The following USP18 variants were observed in gnomAD, a reference collection of about 807,000 sequenced individuals.
USP18 encodes ubl carboxyl-terminal hydrolase 18.
USP18 carries 11 observed loss-of-function variants against 48.7 expected under a neutral mutation model. The observed-to-expected ratio is 0.23, with a 90% confidence interval of 0.14 to 0.37. The LOEUF (loss-of-function observed/expected upper bound fraction) is 0.37. Ranked by LOEUF, USP18 falls within the 10% of genes least tolerant of loss-of-function variation. USP18 has a pLI of 1.00. For synonymous variants in USP18, 114 were observed against 163.2 expected, an observed-to-expected ratio of 0.70 and a Z score of 2.30; for missense variants, 285 against 436.4, an observed-to-expected ratio of 0.65 and a Z score of 3.09.
At chr22:18,152,174 G>T (rs1053030333) in intron 1 of USP18, among the ~76,000 whole-genome samples, 3 of 152,252 alleles carry the variant, frequency 2.0e-5, no homozygotes, top group African/African-American at 7.2e-5. Flanking sequence ...CACCGAGGCT[G>T]CTTGAATCAT....
chr22:18,155,474 G>C (rs1276749512), intron 1 of USP18, among the ~76,000 whole-genome samples: 1 of 152,230 alleles, frequency 6.6e-6, no homozygotes, highest in Non-Finnish European at 1.5e-5. Flanking sequence ...GCCCCTTCCT[G>C]GGCTGGCCGA....
chr22:18,160,240 A>C lies in USP18; in HGVS notation c.226A>C (p.Asn76His). The C allele has an allele frequency of 6.2e-7, 1 of 1,614,172 alleles. No individual in the cohort carries two copies. Among genetic ancestry groups the C allele is most frequent in the Non-Finnish European group, 8.5e-7 (1 of 1,180,004 alleles). The change falls in exon 3 of 11, where the codon AAT (asparagine) becomes CAT (histidine). Residue 76 changes from asparagine to histidine, a missense_variant. Around this residue, in one of 5 missense-constraint regions of USP18, gnomAD observed 199 missense variants for 239.6 expected, o/e 0.83. Transcript: ENST00000215794. ...LNSLIQVFVM[N>H]VDFTRILKRI... ...CTCCTTGATTCAGGTGTTCGTAATG[A>C]ATGTGGACTTCACCAGGATATTGAA...
chr22:18,160,165 C>T lies in USP18; in HGVS notation c.158-7C>T, dbSNP rs750399498. On this transcript the variant is annotated splice_region_variant and splice_polypyrimidine_tract_variant and intron_variant, in intron 2 of 10. Transcript: ENST00000215794. ...GCCCTCAGCATTTTTTTCTCTTCCC[C>T]TTATAGGCCTGGTTGGTTTACACAA... 1 of 1,613,766 alleles carries T rather than the reference C, an allele frequency of 6.2e-7. No individual in the cohort carries two copies. Among genetic ancestry groups the T allele is most frequent in the African/African-American group, 1.3e-5 (1 of 74,898 alleles).
In USP18 at chr22:18,173,882, A is replaced by G. The variant is rs755863617; in HGVS notation, c.1073+40A>G. On this transcript the variant is annotated intron_variant, in intron 10 of 10. Transcript: ENST00000215794. Reference sequence around the variant, plus strand: ...TGGGTAATTGGAGTCTGATGAGCTCACATAGGGTCCTTGGAGCTGCATGAA... The same window carrying G: ...TGGGTAATTGGAGTCTGATGAGCTCGCATAGGGTCCTTGGAGCTGCATGAA... 3 of 1,528,674 alleles carry G rather than the reference A, an allele frequency of 2.0e-6. No individual in the cohort carries two copies. In the South Asian group the frequency reaches 3.5e-5, roughly 18 times the overall value. The allele number at this position is 1,528,674 out of a possible 1,614,324, so 94.7% of individuals were successfully genotyped here. A position where few individuals can be genotyped will look rare whatever the true frequency, so the allele number is the denominator to read the frequency against.
chr22:18,158,967 C>T, intron 2 of USP18, among the ~76,000 whole-genome samples: 1 of 152,170 alleles, frequency 6.6e-6, no homozygotes, highest in African/African-American at 2.4e-5. Flanking sequence ...ATTGCTCATA[C>T]TACTCATTTG....
chr22:18,154,483 G>A (rs1416592471), intron 1 of USP18, among the ~76,000 whole-genome samples: 1 of 152,054 alleles, frequency 6.6e-6, no homozygotes, highest in Admixed American at 6.6e-5. Flanking sequence ...GGTCTCATTT[G>A]TTGCCCAGGC....
In USP18 at chr22:18,173,320, T is replaced by G; in HGVS notation, c.1023+39T>G. On this transcript the variant is annotated intron_variant, in intron 9 of 10. Coordinates refer to ENST00000215794, the MANE Select transcript of USP18 (RefSeq NM_017414.4). Reference sequence around the variant, plus strand: ...TCCACAATTGCCTCCTGCCCTGGATTGGCCACCTCTAGCAAATGCTGGGCT... The same window carrying G: ...TCCACAATTGCCTCCTGCCCTGGATGGGCCACCTCTAGCAAATGCTGGGCT... 4 of 1,576,490 alleles carry G rather than the reference T, an allele frequency of 2.5e-6. No individual in the cohort carries two copies. In the South Asian group the frequency reaches 4.8e-5, roughly 19 times the overall value.
At chr22:18,153,578 C>T (rs1929054065) in intron 1 of USP18, among the ~76,000 whole-genome samples, 1 of 152,130 alleles carries the variant, frequency 6.6e-6, no homozygotes, top group Non-Finnish European at 1.5e-5. Context: ...GTACATGCCA[C>T]CATGCTAGGC....
intron 3 of USP18, 98 bp from the exon 4 acceptor site, chr22:18,161,692 T>C: frequency 8.0e-7 from 1 of 1,246,554 alleles, no homozygotes; most frequent in Non-Finnish European, 1.1e-6. Context: ...GGGAGTGGCC[T>C]GGATATGAAG....
chr22:18,160,057 G>T (rs560962208), intron 2 of USP18, 115 bp from the exon 3 acceptor site: 5 of 955,344 alleles, frequency 5.2e-6, no homozygotes, highest in Non-Finnish European at 6.8e-6. Context: ...CAGGTGATCC[G>T]CCCACCTCGG....
chr22:18,152,931 C>T lies in USP18; in HGVS notation c.-107+2709C>T, dbSNP rs558481829. On this transcript the variant is annotated intron_variant, in intron 1 of 10. Transcript: ENST00000215794. ...CATCTTGGAAAATGCAGCCTGGAAC[C>T]TCTCTGCTCTCTTTCATCAGCTTTC... Among the ~76,000 whole-genome samples the T allele has an allele frequency of 3.3e-5, 5 of 152,286 alleles. No individual in the cohort carries two copies. In the East Asian group the frequency reaches 9.6e-4, roughly 29 times the overall value.
At chr22:18,172,253 C>T (rs9617684) in intron 8 of USP18, among the ~76,000 whole-genome samples, 125 of 152,294 alleles carry the variant, frequency 8.2e-4, no homozygotes, top group African/African-American at 2.9e-3. Flanking sequence ...CTTGTTTCAC[C>T]CAACCCTGTA....
rs1928955705 is a variant in USP18 at position 18,150,175 on chromosome 22, C to T, written c.-154C>T. ...CCCAGCTCGGTCCCCGGCTCAGTCC[C>T]GACGTGGAACTCAGCAGCGGAGGCT... On this transcript the variant is annotated 5_prime_UTR_variant, in exon 1 of 11. Transcript: ENST00000215794. 6.6e-6 allele frequency: 1 copy of T among 152,234 alleles called. No homozygotes were observed. Among genetic ancestry groups the T allele is most frequent in the Admixed American group, 6.5e-5 (1 of 15,290 alleles). 9.4% of individuals were successfully genotyped at this position (152,234 alleles called of 1,614,324 possible).
intron 1 of USP18, among the ~76,000 whole-genome samples, chr22:18,152,494 C>T (rs1025264262): frequency 1.3e-5 from 2 of 150,448 alleles, no homozygotes; most frequent in Non-Finnish European, 1.5e-5. Context: ...AGGGTGGGAG[C>T]TAAGTTAGTT....
At chr22:18,174,433 T>C (rs1391919404) in intron 10 of USP18, among the ~76,000 whole-genome samples, 1 of 151,970 alleles carries the variant, frequency 6.6e-6, no homozygotes, top group African/African-American at 2.4e-5. Context: ...TGTTTCACCA[T>C]GTTGGCCAGG....
At position 18,173,785 on chromosome 22, in the gene USP18, G is replaced by A. The variant is rs372041181; in HGVS notation, c.1024-8G>A. 1.2e-6 allele frequency: 2 copies of A among 1,606,542 alleles called. No individual in the cohort carries two copies. The highest frequency in any genetic ancestry group is 1.7e-6 in the Non-Finnish European group (2 of 1,174,826). ...GGCTGCTTGACCCCATTTGTTTCTG[G>A]CTTCCAGGTGTCCTGGGAAGACATC... On this transcript the variant is annotated splice_polypyrimidine_tract_variant and splice_region_variant and intron_variant, in intron 9 of 10. Coordinates refer to ENST00000215794, the MANE Select transcript of USP18 (RefSeq NM_017414.4).
intron 3 of USP18, 77 bp downstream of exon 3, chr22:18,160,345 G>A: frequency 9.0e-6 from 14 of 1,560,258 alleles, no homozygotes; most frequent in Non-Finnish European, 1.1e-5. Context: ...TTGCTCTGTT[G>A]CCCAGGCTGG....
chr22:18,166,797 G>T (rs1569211340), intron 4 of USP18, among the ~76,000 whole-genome samples: 1 of 150,624 alleles, frequency 6.6e-6, no homozygotes, highest in Non-Finnish European at 1.5e-5. Context: ...GAGTGCAGTG[G>T]TGACATCACA....
rs569150847 is a variant in USP18, at chr22:18,172,625, C to T, written c.892-525C>T. ...ACATGTTCCTGTAACCCTTTTATTT[C>T]TTGTAAACTAATATTTAGATACAGA... On this transcript the variant is annotated intron_variant, in intron 8 of 10. Transcript: ENST00000215794. Among the ~76,000 whole-genome samples, 124 of 150,976 alleles carry T rather than the reference C, an allele frequency of 8.2e-4. 2 individuals carry two copies. Among genetic ancestry groups the T allele is most frequent in the Admixed American group, 4.6e-3 (69 of 15,146 alleles).
Sources: allele counts gnomAD v4.1 joint callset (sites outside exome capture counted in the v4.1 genomes callset), GRCh38; gene constraint gnomAD v4.1.1; regional missense constraint gnomAD v4.1.1; transcripts MANE v1.5; gene names NCBI Gene and HGNC (gene_info 2026-07-23, HGNC 2026-07-21).